NCLN: variants seen among roughly 807,000 people sequenced by gnomAD.
NCLN encodes BOS complex subunit NCLN.
In NCLN, 34 loss-of-function variants were observed where a neutral mutation model predicts 69.5. That is an observed-to-expected ratio of 0.49 (90% CI 0.37 to 0.65). The LOEUF (loss-of-function observed/expected upper bound fraction) is 0.65. NCLN is among the 30% of genes least tolerant of loss of function. NCLN has a pLI of 0.00. For synonymous variants in NCLN, 393 were observed against 358.3 expected, an observed-to-expected ratio of 1.10 and a Z score of -1.09; for missense variants, 710 against 804.8, an observed-to-expected ratio of 0.88 and a Z score of 1.42.
In NCLN at chr19:3,193,444, C is replaced by A; in HGVS notation, c.520+16C>A. ...GCTGCTGAAGGTGTGCTCTGGGCTG[C>A]AGGGACGGGGCCCGTGGGCGTGGGT... On this transcript the variant is annotated intron_variant, in intron 3 of 14. Coordinates refer to ENST00000246117, the MANE Select transcript of NCLN (RefSeq NM_020170.4). The A allele has an allele frequency of 6.3e-7, 1 of 1,586,838 alleles. No homozygotes were observed. Among genetic ancestry groups the A allele is most frequent in the Non-Finnish European group, 8.5e-7 (1 of 1,170,130 alleles).
intron 9 of NCLN, 147 bp downstream of exon 9, chr19:3,204,898 G>T (rs1464693960): frequency 9.8e-6 from 9 of 919,028 alleles, no homozygotes; most frequent in East Asian, 3.3e-5. Context: ...GCCAAGGCCG[G>T]CTGCACGGTC....
chr19:3,195,985 G>T (rs574079283), intron 3 of NCLN, among the ~76,000 whole-genome samples, 198 bp from the exon 4 acceptor site: 2 of 152,302 alleles, frequency 1.3e-5, no homozygotes, highest in Non-Finnish European at 2.9e-5. Context: ...TTCCAGAAAG[G>T]AGATGTGAAT....
Position 3,192,667 on chromosome 19 carries a change from G to A in NCLN, c.375+7G>A, listed in dbSNP as rs771769797. On this transcript the variant is annotated splice_region_variant and intron_variant, in intron 2 of 14. Coordinates refer to ENST00000246117, the MANE Select transcript of NCLN (RefSeq NM_020170.4). ...GCCCCAGGACGTCGTCCGGGTGAGC[G>A]TCTGCCCTGCCCCGCCCGGCTCAGG... 69 of 1,544,326 alleles carry A rather than the reference G, an allele frequency of 4.5e-5. No individual in the cohort carries two copies. The highest frequency in any genetic ancestry group is 5.3e-5 in the Non-Finnish European group (61 of 1,144,796).
In NCLN at chr19:3,201,585, C is replaced by T. The variant is rs760593120; in HGVS notation, c.759C>T (p.Arg253=). The T allele has an allele frequency of 1.3e-6, 2 of 1,563,784 alleles. No homozygotes were observed. The highest frequency in any genetic ancestry group is 1.7e-6 in the Non-Finnish European group (2 of 1,162,096). The part of the protein sequence containing the change: ...SGVSVLLELA[R]LFSRLYTYKR... ...TCTCTGTGCTGCTGGAGCTGGCACG[C>T]CTCTTCTCCCGGCTCTACACCTACA... is the stretch of plus-strand genomic sequence containing the variant. The change falls in exon 6 of 15, where the codon CGC becomes CGT. Residue 253 remains arginine, a synonymous_variant. Coordinates refer to ENST00000246117, the MANE Select transcript of NCLN (RefSeq NM_020170.4).
chr19:3,201,013 G>A (rs149088329), intron 5 of NCLN, among the ~76,000 whole-genome samples: 2 of 152,302 alleles, frequency 1.3e-5, no homozygotes, highest in East Asian at 3.9e-4. Context: ...TGGCCTTATT[G>A]AGAATGCTGC....
At chr19:3,202,108 C>T (rs733502) in intron 6 of NCLN, among the ~76,000 whole-genome samples, 23,566 of 152,098 alleles carry the variant, frequency 0.15, 1,966 homozygotes, top group South Asian at 0.25. Flanking sequence ...GTTGAGACCC[C>T]CCTGGGTTAG....
intron 3 of NCLN, among the ~76,000 whole-genome samples, chr19:3,193,806 CGTG>C (rs1268084862): frequency 6.6e-6 from 1 of 152,020 alleles, no homozygotes; most frequent in East Asian, 1.9e-4. Flanking sequence ...GAGTGGGCGG[CGTG>C]GGTGCGTCGG....
Position 3,205,756 on chromosome 19 carries a change from G to A in NCLN, c.1209-183G>A. ...GTCAGGGCAAGGGGCCTGGAGGTGT[G>A]GGGCCCCCAGTGAATCTGCATCTAC... is the stretch of plus-strand genomic sequence containing the variant. On this transcript the variant is annotated intron_variant, in intron 9 of 14. Coordinates refer to ENST00000246117, the MANE Select transcript of NCLN (RefSeq NM_020170.4). The surrounding 1 kb of genome is among the most constrained non-coding windows in gnomAD (Gnocchi z 4.6). 1.6e-6 allele frequency: 1 copy of A among 624,026 alleles called. No homozygotes were observed. The highest frequency in any genetic ancestry group is 2.8e-6 in the Non-Finnish European group (1 of 359,558). 38.7% of individuals were successfully genotyped at this position (624,026 alleles called of 1,614,324 possible).
intron 3 of NCLN, among the ~76,000 whole-genome samples, chr19:3,195,164 A>G (rs1281853752): frequency 2.2e-5 from 3 of 139,170 alleles, no homozygotes; most frequent in Admixed American, 1.5e-4. Context: ...CCCGGGTGAC[A>G]GTACGATACT....
At chr19:3,198,786 G>A in intron 4 of NCLN, 31 bp from the exon 5 acceptor site, 1 of 1,560,546 alleles carries the variant, frequency 6.4e-7, no homozygotes, top group Non-Finnish European at 8.7e-7. Flanking sequence ...CCCAGGAACA[G>A]CCAGGCCATT....
Position 3,203,068 on chromosome 19 carries a change from C to T in NCLN, c.801-688C>T, listed in dbSNP as rs146193340. ...GGGTGGCTTATGCCTATAATCCCAG[C>T]ACTTTGGAAGCCTGCGGCAGGTGGA... On this transcript the variant is annotated intron_variant, in intron 6 of 14. Coordinates refer to ENST00000246117, the MANE Select transcript of NCLN (RefSeq NM_020170.4). 1.5e-3 allele frequency among the ~76,000 whole-genome samples: 236 copies of T among 152,314 alleles called. 2 individuals are homozygous for T. Among genetic ancestry groups the T allele is most frequent in the African/African-American group, 5.5e-3 (230 of 41,568 alleles).
rs557635942 is a variant in NCLN at position 3,207,364 on chromosome 19, A to G, written c.1554-27A>G. On this transcript the variant is annotated intron_variant, in intron 13 of 14. Coordinates refer to ENST00000246117, the MANE Select transcript of NCLN (RefSeq NM_020170.4). ...ATGTTACTGCCGCGCACCATCCTCGACCTCAGGGACCCTGCTTTCTCCACA... is the reference window on the plus strand; with the variant it reads ...ATGTTACTGCCGCGCACCATCCTCGGCCTCAGGGACCCTGCTTTCTCCACA... 9 of 1,612,874 alleles carry G rather than the reference A, an allele frequency of 5.6e-6. No homozygotes were observed. The South Asian group carries it at 9.9e-5, about 18-fold the overall frequency.
intron 3 of NCLN, among the ~76,000 whole-genome samples, chr19:3,195,948 A>G (rs1394350762): frequency 1.3e-5 from 2 of 152,192 alleles, no homozygotes; most frequent in East Asian, 1.9e-4. Context: ...TCAGAATGGC[A>G]TGGAGGAGAA....
chr19:3,207,616 G>C lies in NCLN; in HGVS notation c.1633-13G>C. The C allele has an allele frequency of 4.3e-6, 7 of 1,612,774 alleles. No homozygotes were observed. The highest frequency in any genetic ancestry group is 1.3e-5 in the African/African-American group (1 of 75,046). On this transcript the variant is annotated splice_polypyrimidine_tract_variant and intron_variant, in intron 14 of 14. Coordinates refer to ENST00000246117, the MANE Select transcript of NCLN (RefSeq NM_020170.4). The stretch of plus-strand genomic sequence containing the variant: ...CCCGCCCACATCCTCACTCCCTCCT[G>C]CTGTGTCCCCAGCACTTCAGCCTCC...
rs541377438 is a variant in NCLN, at chr19:3,196,029, G to A, written c.521-154G>A. Among the ~76,000 whole-genome samples, 129 of 152,300 alleles carry A rather than the reference G, an allele frequency of 8.5e-4. 1 individual carries two copies. Among genetic ancestry groups the A allele is most frequent in the African/African-American group, 3.0e-3 (123 of 41,560 alleles). On this transcript the variant is annotated intron_variant, in intron 3 of 14. Coordinates refer to ENST00000246117, the MANE Select transcript of NCLN (RefSeq NM_020170.4). ...GAGAAGGTTGTCCTAGGGGGAGCACGGGCATCCTGTGGTATCGAAATCTGC... is the reference window on the plus strand; with the variant it reads ...GAGAAGGTTGTCCTAGGGGGAGCACAGGCATCCTGTGGTATCGAAATCTGC...
In NCLN at chr19:3,193,602, C is replaced by T. The variant is rs569262902; in HGVS notation, c.520+174C>T. On this transcript the variant is annotated intron_variant, in intron 3 of 14. Coordinates refer to ENST00000246117, the MANE Select transcript of NCLN (RefSeq NM_020170.4). The stretch of plus-strand genomic sequence containing the variant: ...TGTGGACCTGCTACATCACCACCTC[C>T]GGGCTGGGACCTGGGACTCTGCATT... Among the ~76,000 whole-genome samples, 42 of 152,338 alleles carry T rather than the reference C, an allele frequency of 2.8e-4. No homozygotes were observed. In the South Asian group the frequency reaches 5.2e-3, roughly 19 times the overall value.
At position 3,205,492 on chromosome 19, in the gene NCLN, C is replaced by G. The variant is rs1916241237; in HGVS notation, c.1209-447C>G. Among the ~76,000 whole-genome samples the G allele has an allele frequency of 1.3e-5, 2 of 152,214 alleles. No homozygotes were observed. The highest frequency in any genetic ancestry group is 2.9e-5 in the Non-Finnish European group (2 of 68,018). ...GGAAAGGATGGAGGTGGCGGTCGCC[C>G]ACCAGCCAGGAAAGATTGCCAGGAA... is the stretch of plus-strand genomic sequence containing the variant. On this transcript the variant is annotated intron_variant, in intron 9 of 14. Coordinates refer to ENST00000246117, the MANE Select transcript of NCLN (RefSeq NM_020170.4). This position sits in a 1 kb window ranked among gnomAD's most constrained non-coding sequence, Gnocchi z 4.6.
At chr19:3,193,821 G>C (rs927473093) in intron 3 of NCLN, among the ~76,000 whole-genome samples, 1 of 152,202 alleles carries the variant, frequency 6.6e-6, no homozygotes, top group Admixed American at 6.5e-5. Flanking sequence ...GTGCGTCGGC[G>C]GTGTCCTTAC....
intron 1 of NCLN, among the ~76,000 whole-genome samples, chr19:3,186,598 C>T (rs777944997): frequency 1.6e-4 from 24 of 152,322 alleles, no homozygotes; most frequent in Middle Eastern, 3.4e-3. Context: ...CTTAGGCTTC[C>T]TGGTCCGGGC....
Sources: gnomAD v4.1 joint callset for allele counts (sites outside exome capture counted in the v4.1 genomes callset) on GRCh38, gnomAD v4.1.1 for gene constraint, Gnocchi (gnomAD v3.1) non-coding constraint, MANE v1.5 for transcripts, NCBI Gene and HGNC (gene_info 2026-07-23, HGNC 2026-07-21) for gene names.